The following DPH6 variants were observed in gnomAD, a reference collection of about 807,000 sequenced individuals.
DPH6 encodes diphthamine biosynthesis 6.
Under a neutral mutation model 38.2 loss-of-function variants are expected in DPH6, and 33 were observed. That is an observed-to-expected ratio of 0.86 (90% CI 0.65 to 1.15). The LOEUF (loss-of-function observed/expected upper bound fraction) is 1.15, where lower values mean the gene tolerates loss of function less well. Among genes scored for constraint, DPH6 ranks in the 50% most tolerant of loss-of-function variants. DPH6 has a pLI of 0.00. For synonymous variants in DPH6, 108 were observed against 103.0 expected (o/e 1.05, Z -0.30); for missense variants, 325 against 320.0 (o/e 1.02, Z -0.12).
At chr15:35,468,223 C>A (rs1435452231) in intron 3 of DPH6, among the ~76,000 whole-genome samples, 5 of 152,288 alleles carry the variant, frequency 3.3e-5, no homozygotes, top group Non-Finnish European at 5.9e-5. Context: ...TGGTAACGAT[C>A]CTTCAAGAGA....
chr15:35,410,636 C>G (rs11858083), intron 6 of DPH6, among the ~76,000 whole-genome samples, 199 bp downstream of exon 6: 1 of 151,334 alleles, frequency 6.6e-6, no homozygotes, highest in African/African-American at 2.4e-5. Context: ...TGTGTCATAT[C>G]TGGGTTAACA....
chr15:35,219,807 T>C (rs1328928517), exon 4 of DPH6: 7 of 152,232 alleles, frequency 4.6e-5, no homozygotes, highest in Non-Finnish European at 1.0e-4. Flanking sequence ...ATTCTTCTGC[T>C]GATGGGATAA....
downstream of DPH6, among the ~76,000 whole-genome samples, chr15:35,213,430 C>T (rs1350097943): frequency 1.3e-5 from 2 of 152,100 alleles, no homozygotes; most frequent in African/African-American, 4.8e-5. Flanking sequence ...TTATAACACA[C>T]GTTTTTATGC....
intron 5 of DPH6, among the ~76,000 whole-genome samples, chr15:35,442,855 C>T (rs550367858): frequency 6.6e-6 from 1 of 152,216 alleles, no homozygotes; most frequent in Admixed American, 6.5e-5. Context: ...CCTCATGGTG[C>T]TTAAAGCTGG....
chr15:35,451,404 T>C (rs2053931266), intron 4 of DPH6, among the ~76,000 whole-genome samples: 1 of 152,220 alleles, frequency 6.6e-6, no homozygotes, highest in African/African-American at 2.4e-5. Context: ...TCTAGCTGCA[T>C]GGCTTTTGAA....
the DPH6 span, among the ~76,000 whole-genome samples, chr15:35,183,710 T>C: frequency 1.3e-5 from 2 of 152,198 alleles, no homozygotes; most frequent in African/African-American, 4.8e-5. Context: ...TGTGTAAGGA[T>C]CAAAGTGATA....
At chr15:35,353,269 A>C (rs946816315) in intron 3 of DPH6, among the ~76,000 whole-genome samples, 1 of 152,072 alleles carries the variant, frequency 6.6e-6, no homozygotes, top group African/African-American at 2.4e-5. Context: ...GCTGTGCAGA[A>C]GCTCTTTAGT....
At chr15:35,229,543 T>C (rs1436609986) in intron 3 of DPH6, among the ~76,000 whole-genome samples, 1 of 152,224 alleles carries the variant, frequency 6.6e-6, no homozygotes, top group East Asian at 1.9e-4. Flanking sequence ...TGTTGATTCC[T>C]GGTGTTTTAT....
At chr15:35,178,016 A>G in the DPH6 span, among the ~76,000 whole-genome samples, 3 of 152,282 alleles carry the variant, frequency 2.0e-5, no homozygotes, top group African/African-American at 7.2e-5. Context: ...GTTTCAATAC[A>G]TATATATGTT....
the DPH6 span, among the ~76,000 whole-genome samples, chr15:35,209,156 T>A: frequency 6.6e-6 from 1 of 152,160 alleles, no homozygotes; most frequent in Admixed American, 6.6e-5. Flanking sequence ...TACTTAGCAA[T>A]CTTATTTAAC....
intron 6 of DPH6, among the ~76,000 whole-genome samples, chr15:35,387,958 A>G (rs1224000749): frequency 6.6e-6 from 1 of 152,110 alleles, no homozygotes; most frequent in Non-Finnish European, 1.5e-5. Flanking sequence ...TTGTCCATTC[A>G]GTATGATATT....
intron 3 of DPH6, among the ~76,000 whole-genome samples, chr15:35,466,751 C>T (rs1052195311): frequency 6.6e-6 from 1 of 152,244 alleles, no homozygotes; most frequent in Non-Finnish European, 1.5e-5. Context: ...GCCTATTGCT[C>T]CTAGGCTATA....
chr15:35,394,073 G>A lies in DPH6; in HGVS notation c.568-12157C>T, dbSNP rs535405097. On this transcript the variant is annotated intron_variant, in intron 6 of 8. Transcript: ENST00000256538. ...TTCTAAGTTATTGTTACGCTTCTCT[G>A]ACTCCTTTCCTTCCTGCTGTTCCTA... 2.0e-5 allele frequency among the ~76,000 whole-genome samples: 3 copies of A among 152,100 alleles called. No individual in the cohort carries two copies. In the East Asian group the frequency reaches 5.8e-4, roughly 29 times the overall value.
At chr15:35,426,538 G>GA (rs1313084207) in intron 5 of DPH6, among the ~76,000 whole-genome samples, 1 of 151,716 alleles carries the variant, frequency 6.6e-6, no homozygotes, top group Non-Finnish European at 1.5e-5. Context: ...GGGCAGGTAT[G>GA]AAAGAGGAAT....
At chr15:35,427,114 A>G (rs2053579641) in intron 5 of DPH6, among the ~76,000 whole-genome samples, 1 of 151,868 alleles carries the variant, frequency 6.6e-6, no homozygotes, top group Non-Finnish European at 1.5e-5. Flanking sequence ...TGAGGACAGC[A>G]AGTAAAGAGG....
intron 2 of DPH6, among the ~76,000 whole-genome samples, chr15:35,540,723 T>C (rs2055240146): frequency 6.6e-6 from 1 of 152,084 alleles, no homozygotes; most frequent in Non-Finnish European, 1.5e-5. Flanking sequence ...AAATATACTT[T>C]GCTTGTCATT....
chr15:35,266,396 T>C (rs977906146), intron 3 of DPH6, among the ~76,000 whole-genome samples: 4 of 152,200 alleles, frequency 2.6e-5, no homozygotes, highest in Non-Finnish European at 5.9e-5. Context: ...AATTGGCTTT[T>C]ATTGGCTTTG....
intron 3 of DPH6, among the ~76,000 whole-genome samples, chr15:35,315,990 GAT>G (rs2052185291): frequency 1.3e-5 from 2 of 152,112 alleles, no homozygotes; most frequent in Non-Finnish European, 2.9e-5. Context: ...TAAAAAAGTT[GAT>G]CTTGAGAAGA....
At chr15:35,157,884 G>T in the DPH6 span, among the ~76,000 whole-genome samples, 1 of 151,420 alleles carries the variant, frequency 6.6e-6, no homozygotes, top group Non-Finnish European at 1.5e-5. Context: ...CTGAATGGGG[G>T]AGCTGTAGCA....
Sources: allele counts gnomAD v4.1 joint callset (sites outside exome capture counted in the v4.1 genomes callset), GRCh38; gene constraint gnomAD v4.1.1; transcripts MANE v1.5; gene names NCBI Gene and HGNC (gene_info 2026-07-23, HGNC 2026-07-21).